The following ZWILCH variants were observed in gnomAD, a reference collection of about 807,000 sequenced individuals.
The protein encoded by ZWILCH is zwilch kinetochore protein.
In ZWILCH, 74 loss-of-function variants were observed where a neutral mutation model predicts 79.9. That is an observed-to-expected ratio of 0.93 (90% CI 0.77 to 1.12). ZWILCH has a LOEUF of 1.12. Among genes scored for constraint, ZWILCH ranks in the 50% most tolerant of loss-of-function variants. The pLI is 0.00. For synonymous variants in ZWILCH, 241 were observed against 228.2 expected (o/e 1.06, Z -0.51); for missense variants, 694 against 687.5 (o/e 1.01, Z -0.11).
At chr15:66,515,157 C>T (rs1277291844) in intron 3 of ZWILCH, among the ~76,000 whole-genome samples, 1 of 151,662 alleles carries the variant, frequency 6.6e-6, no homozygotes, top group African/African-American at 2.4e-5. Context: ...CCTGTGTTGC[C>T]TTGGTTTGTC....
intron 1 of ZWILCH, 149 bp from the exon 2 acceptor site, chr15:66,508,691 TC>T (rs1469294673): frequency 7.2e-7 from 1 of 1,384,052 alleles, no homozygotes; most frequent in African/African-American, 1.5e-5. Flanking sequence ...TTTTTCTCTC[TC>T]TGCAACTACA....
rs554492070 is a variant in ZWILCH, at chr15:66,548,754, T to C, written c.*430T>C. 135 of 468,846 alleles carry C rather than the reference T, an allele frequency of 2.9e-4. 1 individual carries two copies. The highest frequency in any genetic ancestry group is 1.5e-3 in the Admixed American group (43 of 28,794). 29.0% of individuals were successfully genotyped at this position (468,846 alleles called of 1,614,324 possible). On this transcript the variant is annotated 3_prime_UTR_variant, in exon 19 of 19. Coordinates refer to ENST00000307897, the MANE Select transcript of ZWILCH (RefSeq NM_017975.5). ...ATTCTTATTTGCCATGAAATAGAAC[T>C]TAGTAAATTAAATGTTATTTGAAAA...
intron 14 of ZWILCH, among the ~76,000 whole-genome samples, chr15:66,533,845 C>T (rs1397139452): frequency 6.6e-6 from 1 of 152,068 alleles, no homozygotes; most frequent in Non-Finnish European, 1.5e-5. Context: ...ATACGCTGGG[C>T]ACAGTGGCTC....
chr15:66,507,290 C>T (rs1595900090), intron 1 of ZWILCH, among the ~76,000 whole-genome samples: 1 of 152,232 alleles, frequency 6.6e-6, no homozygotes, highest in African/African-American at 2.4e-5. Flanking sequence ...ACTGGACATT[C>T]TACTTCTGAA....
At chr15:66,509,131 A>G (rs1360921519) in intron 2 of ZWILCH, among the ~76,000 whole-genome samples, 1 of 152,034 alleles carries the variant, frequency 6.6e-6, no homozygotes, top group Admixed American at 6.6e-5. Flanking sequence ...TAGTAGAGAC[A>G]GGGTTTCACC....
At chr15:66,533,101 A>G (rs938823457) in intron 14 of ZWILCH, 88 bp downstream of exon 14, 12 of 876,894 alleles carry the variant, frequency 1.4e-5, no homozygotes, top group Admixed American at 7.4e-5. Context: ...TATGCTAGCC[A>G]CTGTCTTAGG....
intron 2 of ZWILCH, among the ~76,000 whole-genome samples, chr15:66,511,853 G>C (rs1022864898): frequency 6.6e-6 from 1 of 152,088 alleles, no homozygotes; most frequent in African/African-American, 2.4e-5. Flanking sequence ...GACCTCAGGT[G>C]ATCCGTCTGC....
At chr15:66,513,033 A>T (rs1040347049) in intron 2 of ZWILCH, among the ~76,000 whole-genome samples, 1 of 151,900 alleles carries the variant, frequency 6.6e-6, no homozygotes, top group Non-Finnish European at 1.5e-5. Context: ...AACCTCAAGC[A>T]GTCCACCCGC....
rs570907609 is a variant in ZWILCH, at chr15:66,514,249, T to C, written c.201+166T>C. 6 of 393,822 alleles carry C rather than the reference T, an allele frequency of 1.5e-5. No individual in the cohort carries two copies. In the South Asian group the frequency reaches 2.8e-4, roughly 18 times the overall value. The allele number at this position is 393,822 out of a possible 1,614,324, so 24.4% of individuals were successfully genotyped here. A position where few individuals can be genotyped will look rare whatever the true frequency, so the allele number is the denominator to read the frequency against. Reference sequence around the variant, plus strand: ...CCAGTACAAATAAATATGAACCACATATGCAATTTAACATTTTCTTGTAGC... The same window carrying C: ...CCAGTACAAATAAATATGAACCACACATGCAATTTAACATTTTCTTGTAGC... On this transcript the variant is annotated intron_variant, in intron 3 of 18. Transcript: ENST00000307897.
At chr15:66,529,417 T>G (rs1894791630) in intron 11 of ZWILCH, 77 bp from the exon 12 acceptor site, 1 of 952,946 alleles carries the variant, frequency 1.0e-6, no homozygotes, top group African/African-American at 1.6e-5. Context: ...ACTTCATTTG[T>G]GTATCCTTAA....
At chr15:66,525,621 G>A (rs1258990605) in intron 8 of ZWILCH, among the ~76,000 whole-genome samples, 2 of 152,028 alleles carry the variant, frequency 1.3e-5, no homozygotes, top group Non-Finnish European at 2.9e-5. Context: ...ATTTGGGCAG[G>A]AACATTGTTT....
At chr15:66,527,407 G>T in intron 9 of ZWILCH, 24 bp downstream of exon 9, 2 of 1,544,996 alleles carry the variant, frequency 1.3e-6, no homozygotes, top group South Asian at 2.2e-5. Context: ...TTTATTAATT[G>T]AGAATTTATA....
intron 12 of ZWILCH, among the ~76,000 whole-genome samples, chr15:66,531,256 G>C (rs1368358485): frequency 6.6e-6 from 1 of 152,128 alleles, no homozygotes; most frequent in Non-Finnish European, 1.5e-5. Flanking sequence ...TGCAGCAGCA[G>C]ATTTTTGGTG....
At chr15:66,541,640 T>A (rs553663017) in intron 17 of ZWILCH, among the ~76,000 whole-genome samples, 1 of 152,304 alleles carries the variant, frequency 6.6e-6, no homozygotes, top group African/African-American at 2.4e-5. Flanking sequence ...CTTTGTGTAA[T>A]TAGCTAGCCT....
chr15:66,522,950 A>G (rs35841283), intron 7 of ZWILCH, among the ~76,000 whole-genome samples: 10,480 of 152,110 alleles, frequency 0.069, 422 homozygotes, highest in Middle Eastern at 0.11. Flanking sequence ...AGCCTCCTGA[A>G]TAGCTGGGAT....
intron 18 of ZWILCH, 118 bp from the exon 19 acceptor site, chr15:66,548,233 A>G (rs1436491932): frequency 1.1e-5 from 3 of 275,454 alleles, no homozygotes; most frequent in East Asian, 6.1e-5. Context: ...TAAATAATTC[A>G]TAATATACAT....
At chr15:66,507,316 G>A (rs777096699) in intron 1 of ZWILCH, among the ~76,000 whole-genome samples, 1 of 152,036 alleles carries the variant, frequency 6.6e-6, no homozygotes, top group African/African-American at 2.4e-5. Flanking sequence ...TCTCTGAAGC[G>A]TTCTAATTCC....
chr15:66,506,580 C>T (rs1488393347), intron 1 of ZWILCH, among the ~76,000 whole-genome samples: 4 of 152,154 alleles, frequency 2.6e-5, no homozygotes, highest in African/African-American at 7.2e-5. Flanking sequence ...TGCTTGAACT[C>T]GGGAGGCAGA....
Position 66,517,430 on chromosome 15 carries a change from G to GTGTGTGTGTGTGTGTGTGTATATATA in ZWILCH, c.321-1448_321-1447insGTGTGTGTGTGTGTGTGTATATATAT. On this transcript the variant is annotated intron_variant, in intron 4 of 18. Coordinates refer to ENST00000307897, the MANE Select transcript of ZWILCH (RefSeq NM_017975.5). The stretch of plus-strand genomic sequence containing the variant: ...TGTTTGTGTGTGCGTGTGTGTGTGT[G>GTGTGTGTGTGTGTGTGTGTATATATA]TATATATATATATATATATATATAT... Among the ~76,000 whole-genome samples the GTGTGTGTGTGTGTGTGTGTATATATA allele has an allele frequency of 4.7e-4, 31 of 66,516 alleles. 1 individual carries two copies. The highest frequency in any genetic ancestry group is 7.9e-3 in the Middle Eastern group (1 of 126). The allele number at this position is 66,516 out of a possible 152,430, so 43.6% of individuals were successfully genotyped here.
Sources: allele counts gnomAD v4.1 joint callset (sites outside exome capture counted in the v4.1 genomes callset), GRCh38; gene constraint gnomAD v4.1.1; transcripts MANE v1.5; gene names NCBI Gene and HGNC (gene_info 2026-07-23, HGNC 2026-07-21).